The following MTUS2 variants were observed in gnomAD, a reference collection of about 807,000 sequenced individuals.
MTUS2 encodes microtubule associated scaffold protein 2.
Under a neutral mutation model 114.1 loss-of-function variants are expected in MTUS2, and 40 were observed. The ratio of observed to expected loss-of-function variants is 0.35; its 90% confidence interval spans 0.27 to 0.46. The LOEUF is 0.46. Among genes scored for constraint, MTUS2 ranks in the 20% least tolerant of loss-of-function variants. The pLI, the probability that MTUS2 is intolerant of heterozygous loss-of-function variation, is 1.00. For synonymous variants in MTUS2, 688 were observed against 672.0 expected, an observed-to-expected ratio of 1.02 and a Z score of -0.37; for missense variants, 1,679 against 1,705.4, an observed-to-expected ratio of 0.98 and a Z score of 0.27.
At chr13:29,106,856 C>T (rs1191676509) in intron 5 of MTUS2, among the ~76,000 whole-genome samples, 1 of 152,054 alleles carries the variant, frequency 6.6e-6, no homozygotes, top group Non-Finnish European at 1.5e-5. Flanking sequence ...GCCCCTATGC[C>T]TGCTTCACCT....
intron 5 of MTUS2, among the ~76,000 whole-genome samples, chr13:29,128,829 T>C (rs1055576695): frequency 1.4e-4 from 21 of 152,200 alleles, no homozygotes; most frequent in African/African-American, 5.1e-4. Flanking sequence ...TCTGGGTGTT[T>C]TGATCAATGC....
chr13:28,937,539 G>A (rs147485248), intron 2 of MTUS2, among the ~76,000 whole-genome samples: 62 of 152,196 alleles, frequency 4.1e-4, no homozygotes, highest in African/African-American at 1.4e-3. Flanking sequence ...AGCTATAAGC[G>A]AAGGTCCCTG....
intron 1 of MTUS2, among the ~76,000 whole-genome samples, chr13:28,834,980 T>G (rs966043183): frequency 5.3e-5 from 8 of 152,142 alleles, no homozygotes; most frequent in Non-Finnish European, 1.2e-4. Flanking sequence ...ACCACAATAA[T>G]GTATCACTAA....
At chr13:29,115,132 A>C (rs886529415) in intron 5 of MTUS2, among the ~76,000 whole-genome samples, 2 of 152,226 alleles carry the variant, frequency 1.3e-5, no homozygotes, top group African/African-American at 4.8e-5. Context: ...TTAAAATGAA[A>C]TATTACAGAC....
At chr13:28,882,339 C>T (rs1257946017) in intron 2 of MTUS2, among the ~76,000 whole-genome samples, 14 of 152,128 alleles carry the variant, frequency 9.2e-5, no homozygotes, top group African/African-American at 1.4e-4. Context: ...TGAGCCACCA[C>T]GCCCGGCCAA....
intron 5 of MTUS2, among the ~76,000 whole-genome samples, chr13:29,115,873 CT>C (rs1474167704): frequency 6.6e-6 from 1 of 152,144 alleles, no homozygotes; most frequent in Non-Finnish European, 1.5e-5. Flanking sequence ...CCAACTGATT[CT>C]TTAAAAAGAA....
At chr13:29,179,596 A>C (rs962712947) in intron 5 of MTUS2, among the ~76,000 whole-genome samples, 1 of 152,168 alleles carries the variant, frequency 6.6e-6, no homozygotes, top group Non-Finnish European at 1.5e-5. Flanking sequence ...AACAAATGGA[A>C]TTTTCTAGGG....
At chr13:29,005,006 G>A (rs1423135057) in intron 2 of MTUS2, among the ~76,000 whole-genome samples, 1 of 152,120 alleles carries the variant, frequency 6.6e-6, no homozygotes, top group Non-Finnish European at 1.5e-5. Flanking sequence ...CTCTCTAGAG[G>A]GACTTCACCA....
At chr13:28,978,058 G>C (rs139502648) in intron 2 of MTUS2, among the ~76,000 whole-genome samples, 114 of 152,254 alleles carry the variant, frequency 7.5e-4, no homozygotes, top group Non-Finnish European at 1.3e-3. Context: ...ATTGCTCTTT[G>C]AGATAGAATT....
intron 2 of MTUS2, among the ~76,000 whole-genome samples, chr13:28,846,792 C>T (rs1407353125): frequency 6.6e-6 from 1 of 152,220 alleles, no homozygotes; most frequent in Non-Finnish European, 1.5e-5. Context: ...AATTGATAGT[C>T]TATGAAACTC....
chr13:29,337,670 T>C (rs139764333), intron 7 of MTUS2, among the ~76,000 whole-genome samples: 11,994 of 151,678 alleles, frequency 0.079, 1,521 homozygotes, highest in African/African-American at 0.27. Flanking sequence ...GGCACAATTT[T>C]GGCTCATTGC....
intron 6 of MTUS2, among the ~76,000 whole-genome samples, chr13:29,303,072 C>T (rs184651672): frequency 1.3e-5 from 2 of 152,270 alleles, no homozygotes; most frequent in East Asian, 3.9e-4. Context: ...AGTAGAATGG[C>T]CTGACTGATA....
chr13:28,833,564 A>G (rs1176345455), intron 1 of MTUS2, among the ~76,000 whole-genome samples: 1 of 152,158 alleles, frequency 6.6e-6, no homozygotes, highest in East Asian at 1.9e-4. Flanking sequence ...AAACTTCCTC[A>G]ACCTAATGAA....
At chr13:29,116,756 A>T (rs1447587248) in intron 5 of MTUS2, among the ~76,000 whole-genome samples, 1 of 152,174 alleles carries the variant, frequency 6.6e-6, no homozygotes, top group Non-Finnish European at 1.5e-5. Flanking sequence ...CAGGGTAGGT[A>T]GGCAGGGCTT....
At chr13:29,002,957 T>G (rs964238696) in intron 2 of MTUS2, among the ~76,000 whole-genome samples, 7 of 152,178 alleles carry the variant, frequency 4.6e-5, no homozygotes, top group Non-Finnish European at 1.0e-4. Context: ...TGAATAAGAA[T>G]GTAAGATATT....
At chr13:29,199,043 G>C (rs926068295) in intron 5 of MTUS2, among the ~76,000 whole-genome samples, 2 of 152,052 alleles carry the variant, frequency 1.3e-5, no homozygotes, top group African/African-American at 4.8e-5. Context: ...TTCCTGTTCA[G>C]ATATCCTTTA....
chr13:29,288,756 C>T (rs1377414836), intron 6 of MTUS2, among the ~76,000 whole-genome samples: 1 of 152,144 alleles, frequency 6.6e-6, no homozygotes, highest in African/African-American at 2.4e-5. Context: ...AAATGGTTAA[C>T]TCGCATTCTG....
intron 8 of MTUS2, among the ~76,000 whole-genome samples, chr13:29,365,864 C>A (rs569149817): frequency 6.6e-6 from 1 of 152,162 alleles, no homozygotes; most frequent in Non-Finnish European, 1.5e-5. Context: ...GCTGTAAACT[C>A]CCCTCCAACT....
intron 8 of MTUS2, among the ~76,000 whole-genome samples, chr13:29,389,603 A>G (rs1873081522): frequency 8.4e-6 from 1 of 119,516 alleles, no homozygotes; most frequent in African/African-American, 3.5e-5. Flanking sequence ...ATGTGTGTAT[A>G]CGTATACATA....
Sources: allele counts gnomAD v4.1 joint callset (sites outside exome capture counted in the v4.1 genomes callset), GRCh38; gene constraint gnomAD v4.1.1; transcripts MANE v1.5; gene names NCBI Gene and HGNC (gene_info 2026-07-23, HGNC 2026-07-21).